Variants in BRD8 observed in about 807,000 individuals in gnomAD.
BRD8 encodes the protein bromodomain containing 8.
BRD8 carries 67 observed loss-of-function variants against 143.1 expected under a neutral mutation model. The ratio of observed to expected loss-of-function variants is 0.47; its 90% CI spans 0.38 to 0.57. The LOEUF (loss-of-function observed/expected upper bound fraction) is 0.57. Among genes scored for constraint, BRD8 ranks in the 20% least tolerant of loss-of-function variants. The pLI, the probability that BRD8 is intolerant of heterozygous loss-of-function variation, is 0.00. For synonymous variants in BRD8, 505 were observed against 517.1 expected (o/e 0.98, Z 0.32); for missense variants, 1,103 against 1,503.0 (o/e 0.73, Z 4.40).
chr5:138,149,795 C>T lies in BRD8; in HGVS notation c.3123G>A (p.Gly1041=), dbSNP rs143885755. The T allele has an allele frequency of 2.0e-5, 32 of 1,593,892 alleles. No homozygotes were observed. The highest frequency in any genetic ancestry group is 2.6e-5 in the Non-Finnish European group (30 of 1,174,132). Residue 1041 remains glycine (G), a splice_region_variant and synonymous_variant, in exon 23 of 27, where the codon GGG becomes GGA. Transcript: ENST00000254900. ...CCCCTTTGGATTCTTGCTGAGCCTCCCCCTAGGAATGCCAGGAAACAGGAA... is the reference window on the plus strand; with the variant it reads ...CCCCTTTGGATTCTTGCTGAGCCTCTCCCTAGGAATGCCAGGAAACAGGAA... ...VQGLLTESEE[G]EAQQESKGED... is the part of the protein sequence containing the mutation.
At chr5:138,162,013 G>A (rs771098477) in intron 16 of BRD8, 41 bp downstream of exon 16, 3 of 1,587,340 alleles carry the variant, frequency 1.9e-6, no homozygotes, top group South Asian at 1.1e-5. Context: ...ACAATGAAGA[G>A]TAGGAGAAAA....
chr5:138,156,954 C>T (rs1752641071), intron 20 of BRD8: 1 of 1,245,280 alleles, frequency 8.0e-7, no homozygotes, highest in South Asian at 2.3e-5. Flanking sequence ...AAAGTCTGTA[C>T]AATTGACAAG....
chr5:138,154,879 G>C (rs1299697219), intron 20 of BRD8, among the ~76,000 whole-genome samples: 2 of 149,308 alleles, frequency 1.3e-5, no homozygotes, highest in African/African-American at 2.5e-5. Flanking sequence ...CGCCAGGTTG[G>C]AGTGCAGTGG....
chr5:138,162,762 C>T lies in BRD8; in HGVS notation c.2087+368G>A, dbSNP rs1361924155. On this transcript the variant is annotated intron_variant, in intron 15 of 26. Coordinates refer to ENST00000254900, the MANE Select transcript of BRD8 (RefSeq NM_139199.2). The stretch of plus-strand genomic sequence containing the variant: ...CTGTAATCTCAGCACTTTGGGAGGC[C>T]GAGGCAGGTGGAACGCTTGAGCTCA... Among the ~76,000 whole-genome samples the T allele has an allele frequency of 3.9e-5, 6 of 151,954 alleles. No individual in the cohort carries two copies. The Middle Eastern group carries it at 0.01, about 258-fold the overall frequency.
chr5:138,165,781 C>G (rs1183014413), intron 11 of BRD8, 47 bp downstream of exon 11: 8 of 1,549,418 alleles, frequency 5.2e-6, no homozygotes, highest in Non-Finnish European at 6.1e-6. Flanking sequence ...AAAAGAGAAG[C>G]CTATGTAGGA....
intron 19 of BRD8, 35 bp downstream of exon 19, chr5:138,160,034 A>T (rs1175365551): frequency 6.5e-7 from 1 of 1,529,890 alleles, no homozygotes; most frequent in African/African-American, 1.4e-5. Flanking sequence ...TACTACTGGA[A>T]CACTGGCACA....
intron 23 of BRD8, among the ~76,000 whole-genome samples, chr5:138,147,333 T>G (rs1471711595): frequency 6.7e-6 from 1 of 150,278 alleles, no homozygotes; most frequent in Non-Finnish European, 1.5e-5. Context: ...TATAAATATA[T>G]GCATGGTTCA....
Position 138,149,578 on chromosome 5 carries a change from A to G in BRD8, c.3278+62T>C, listed in dbSNP as rs1224712891. 11 of 1,376,158 alleles carry G rather than the reference A, an allele frequency of 8.0e-6. No individual in the cohort carries two copies. In the Admixed American group the frequency reaches 2.9e-4, roughly 36 times the overall value. 85.2% of individuals were successfully genotyped at this position (1,376,158 alleles called of 1,614,324 possible). Reference sequence around the variant, plus strand: ...ACTTATAAAAGTAATCCATTTCATGATTCAAATAGGCATAAACAGAAGTAC... The same window carrying G: ...ACTTATAAAAGTAATCCATTTCATGGTTCAAATAGGCATAAACAGAAGTAC... On this transcript the variant is annotated intron_variant, in intron 23 of 26. Transcript: ENST00000254900.
intron 20 of BRD8, among the ~76,000 whole-genome samples, chr5:138,158,925 T>A (rs569989300): frequency 1.3e-5 from 2 of 152,112 alleles, no homozygotes; most frequent in South Asian, 4.2e-4. Flanking sequence ...ACCACTCCGC[T>A]GCACAGCTAG....
Position 138,149,760 on chromosome 5 carries a change from C to T in BRD8, c.3158G>A (p.Gly1053Asp). The T allele has an allele frequency of 1.2e-6, 2 of 1,612,034 alleles. No individual in the cohort carries two copies. Among genetic ancestry groups the T allele is most frequent in the Non-Finnish European group, 1.7e-6 (2 of 1,179,404 alleles). Residue 1053 changes from glycine (G) to aspartate (D), a missense_variant, in exon 23 of 27, where the codon GGT (glycine) becomes GAT (aspartate). By Grantham distance (94) the Gly-to-Asp change is moderately conservative. Transcript: ENST00000254900. ...TTCCATCTCTGACACATATACTTCACCCTGGTCCTCCCCTTTGGATTCTTG... is the reference window on the plus strand; with the variant it reads ...TTCCATCTCTGACACATATACTTCATCCTGGTCCTCCCCTTTGGATTCTTG... Reference protein sequence around the residue: ...AQQESKGEDQGEVYVSEMEDQ... With the variant: ...AQQESKGEDQDEVYVSEMEDQ...
At chr5:138,156,524 T>C (rs1444739713) in intron 20 of BRD8, among the ~76,000 whole-genome samples, 3 of 152,182 alleles carry the variant, frequency 2.0e-5, no homozygotes, top group Non-Finnish European at 1.5e-5. Context: ...TCTGCAAAGA[T>C]AGCATTAAGT....
chr5:138,149,753 T>C lies in BRD8; in HGVS notation c.3165A>G (p.Val1055=). Residue 1055 remains valine (V), a synonymous_variant, in exon 23 of 27, where the codon GTA becomes GTG. Transcript: ENST00000254900. ...GCTGGTCTTCCATCTCTGACACATA[T>C]ACTTCACCCTGGTCCTCCCCTTTGG... ...QESKGEDQGE[V]YVSEMEDQPP... 6.2e-7 allele frequency: 1 copy of C among 1,613,256 alleles called. No homozygotes were observed. The highest frequency in any genetic ancestry group is 8.5e-7 in the Non-Finnish European group (1 of 1,179,698).
chr5:138,167,889 A>G (rs778027667), intron 9 of BRD8, 45 bp downstream of exon 9: 1 of 1,575,402 alleles, frequency 6.3e-7, no homozygotes, highest in Admixed American at 1.7e-5. Context: ...AGTCAATGTC[A>G]AGTTCAACAC....
chr5:138,140,198 T>C, intron 26 of BRD8, 32 bp from the exon 27 acceptor site: 1 of 1,497,118 alleles, frequency 6.7e-7, no homozygotes, highest in African/African-American at 1.4e-5. Flanking sequence ...AGCAAGCTAT[T>C]ATGAACCTTA....
In BRD8 at chr5:138,169,226, G is replaced by C. The variant is rs1224266091; in HGVS notation, c.638C>G (p.Ser213Cys). The part of the protein sequence containing the change: ...LTPTTMEEAT[S>C]GVNESEMAVA... ...CACAGATGGAAATATACTCACCCCA[G>C]AGGTAGCCTCTTCCATAGTGGTTGG... The change falls in exon 8 of 27, where the codon TCT becomes TGT. Residue 213 changes from serine to cysteine, a missense_variant. By Grantham distance (112) the Ser-to-Cys change is moderately radical. Around this residue, in one of 7 missense-constraint regions of BRD8, gnomAD observed 334 missense variants for 372.5 expected, o/e 0.90. Transcript: ENST00000254900. 6.2e-7 allele frequency: 1 copy of C among 1,613,756 alleles called. No homozygotes were observed. Among genetic ancestry groups the C allele is most frequent in the Non-Finnish European group, 8.5e-7 (1 of 1,179,964 alleles).
intron 14 of BRD8, chr5:138,163,588 T>C: frequency 6.9e-7 from 1 of 1,453,158 alleles, no homozygotes; most frequent in Non-Finnish European, 9.1e-7. Context: ...GCTACTTACT[T>C]AAGACTAAGC....
At chr5:138,145,973 C>G (rs938066629) in intron 23 of BRD8, 95 bp from the exon 24 acceptor site, 19 of 887,906 alleles carry the variant, frequency 2.1e-5, no homozygotes, top group African/African-American at 3.3e-5. Context: ...AAGACATGCT[C>G]CTAATTAATA....
At chr5:138,144,067 G>A (rs950439024) in intron 25 of BRD8, among the ~76,000 whole-genome samples, 14 of 152,064 alleles carry the variant, frequency 9.2e-5, no homozygotes, top group Admixed American at 6.5e-4. Context: ...CAGCCGCTTC[G>A]CTCCTGAAGC....
chr5:138,173,183 A>C (rs1468939758), intron 2 of BRD8, among the ~76,000 whole-genome samples: 1 of 152,178 alleles, frequency 6.6e-6, no homozygotes, highest in Non-Finnish European at 1.5e-5. Context: ...AGACTGCTTG[A>C]GATGAGGAGT....
Sources: allele counts gnomAD v4.1 joint callset (sites outside exome capture counted in the v4.1 genomes callset), GRCh38; gene constraint gnomAD v4.1.1; regional missense constraint gnomAD v4.1.1; transcripts MANE v1.5; gene names NCBI Gene and HGNC (gene_info 2026-07-23, HGNC 2026-07-21).